UNC13C: variants seen among roughly 807,000 people sequenced by gnomAD.
UNC13C encodes protein unc-13 homolog C.
A neutral mutation model predicts 245.4 loss-of-function variants in UNC13C; 174 were observed. That is an observed-to-expected ratio of 0.71 (90% CI 0.63 to 0.80). UNC13C has a LOEUF of 0.80. Among genes scored for constraint, UNC13C ranks in the 30% least tolerant of loss-of-function variants. UNC13C has a pLI of 0.00. For missense variants in UNC13C, 2,829 were observed against 2,602.9 expected, an observed-to-expected ratio of 1.09 and a Z score of -1.89; for synonymous variants, 992 against 895.1, an observed-to-expected ratio of 1.11 and a Z score of -1.93.
rs115287105 is a variant in UNC13C at position 54,261,880 on chromosome 15, T to A, written c.3449-2288T>A. On this transcript the variant is annotated intron_variant, in intron 8 of 32. Coordinates refer to ENST00000260323, the MANE Select transcript of UNC13C (RefSeq NM_001080534.3). ...TTTTAAAAGCTACATATTTTTTTTCTAGAAATAACAGAGAAAATGCTTAAA... is the reference window on the plus strand; with the variant it reads ...TTTTAAAAGCTACATATTTTTTTTCAAGAAATAACAGAGAAAATGCTTAAA... Among the ~76,000 whole-genome samples the A allele has an allele frequency of 8.9e-3, 1,351 of 152,280 alleles. 21 individuals carry two copies. Among genetic ancestry groups the A allele is most frequent in the African/African-American group, 0.031 (1,286 of 41,550 alleles).
chr15:54,172,703 GATAT>G (rs56316345), intron 4 of UNC13C, among the ~76,000 whole-genome samples: 108 of 78,300 alleles, frequency 1.4e-3, no homozygotes, highest in African/African-American at 2.0e-3. Context: ...TACACACACA[GATAT>G]ATATATATAT....
At chr15:54,373,348 C>G (rs1181156184) in intron 17 of UNC13C, among the ~76,000 whole-genome samples, 2 of 152,226 alleles carry the variant, frequency 1.3e-5, no homozygotes, top group Non-Finnish European at 2.9e-5. Flanking sequence ...GTTTCACCCA[C>G]TCACACTGGC....
At chr15:54,332,423 C>G (rs2038463614) in intron 15 of UNC13C, among the ~76,000 whole-genome samples, 1 of 151,686 alleles carries the variant, frequency 6.6e-6, no homozygotes, top group South Asian at 2.1e-4. Flanking sequence ...ATGAAGTAGA[C>G]TATGGCCCAG....
At chr15:54,341,827 T>A (rs1436454479) in intron 17 of UNC13C, among the ~76,000 whole-genome samples, 4 of 152,024 alleles carry the variant, frequency 2.6e-5, no homozygotes, top group African/African-American at 9.6e-5. Context: ...ATACAAAAAA[T>A]TAACCAGGAG....
chr15:54,568,474 T>C (rs184662547), intron 30 of UNC13C, among the ~76,000 whole-genome samples: 1 of 152,304 alleles, frequency 6.6e-6, no homozygotes, highest in East Asian at 1.9e-4. Flanking sequence ...ATGTGTTTCA[T>C]ATCTTTGAAA....
At chr15:54,131,954 A>C (rs1014499994) in intron 2 of UNC13C, among the ~76,000 whole-genome samples, 2 of 151,916 alleles carry the variant, frequency 1.3e-5, no homozygotes, top group African/African-American at 2.4e-5. Context: ...TCCCAAACCC[A>C]ATGTTCTCCA....
chr15:53,946,993 T>C, the UNC13C span, among the ~76,000 whole-genome samples: 2 of 152,176 alleles, frequency 1.3e-5, no homozygotes, highest in Non-Finnish European at 2.9e-5. Context: ...CGGGTTCTAA[T>C]AAAAGTTCTA....
chr15:54,149,141 G>A lies in UNC13C; in HGVS notation c.3071+5457G>A, dbSNP rs369924551. Among the ~76,000 whole-genome samples, 16 of 152,182 alleles carry A rather than the reference G, an allele frequency of 1.1e-4. 1 individual carries two copies. Among genetic ancestry groups the A allele is most frequent in the Admixed American group, 7.9e-4 (12 of 15,282 alleles). On this transcript the variant is annotated intron_variant, in intron 4 of 32. Coordinates refer to ENST00000260323, the MANE Select transcript of UNC13C (RefSeq NM_001080534.3). Reference sequence around the variant, plus strand: ...TGTCTCCTGCTGCCATGTAAGAGACGCCTTTCTTCCCCTTTGGCTTCTACC... The same window carrying A: ...TGTCTCCTGCTGCCATGTAAGAGACACCTTTCTTCCCCTTTGGCTTCTACC...
chr15:54,066,898 G>A (rs1898101231), intron 2 of UNC13C, among the ~76,000 whole-genome samples: 3 of 152,056 alleles, frequency 2.0e-5, no homozygotes. Flanking sequence ...AGATTCCAGG[G>A]ATCAGTGCTG....
chr15:54,472,068 C>T (rs1419608954), intron 19 of UNC13C, among the ~76,000 whole-genome samples: 1 of 151,670 alleles, frequency 6.6e-6, no homozygotes. Flanking sequence ...TCACTGGTTT[C>T]ATGGCTTTCT....
In UNC13C at chr15:54,015,958, C is replaced by A; in HGVS notation, c.2983+72C>A. 3.1e-6 allele frequency: 4 copies of A among 1,289,708 alleles called. No individual in the cohort carries two copies. The South Asian group carries it at 6.4e-5, about 21-fold the overall frequency. 79.9% of individuals were successfully genotyped at this position (1,289,708 alleles called of 1,614,324 possible). A position where few individuals can be genotyped will look rare whatever the true frequency, so the allele number is the denominator to read the frequency against. On this transcript the variant is annotated intron_variant, in intron 2 of 32. Coordinates refer to ENST00000260323, the MANE Select transcript of UNC13C (RefSeq NM_001080534.3). ...TTGGGTAGCACTTCTTTAGAGCATGCTCTGTGTTTACTTGGGTGAAAGAGT... is the reference window on the plus strand; with the variant it reads ...TTGGGTAGCACTTCTTTAGAGCATGATCTGTGTTTACTTGGGTGAAAGAGT...
chr15:53,891,999 C>T, the UNC13C span, among the ~76,000 whole-genome samples: 7 of 152,178 alleles, frequency 4.6e-5, no homozygotes, highest in Non-Finnish European at 1.0e-4. Flanking sequence ...TGGCTGGTAC[C>T]GGTTGTTCCT....
the UNC13C span, among the ~76,000 whole-genome samples, chr15:53,874,563 T>C: frequency 6.1e-3 from 926 of 152,276 alleles, 4 homozygotes; most frequent in African/African-American, 0.021. Context: ...GAGAGATCCT[T>C]TACCCAGAGA....
At chr15:54,044,863 A>C (rs894883229) in intron 2 of UNC13C, among the ~76,000 whole-genome samples, 6 of 152,046 alleles carry the variant, frequency 3.9e-5, no homozygotes, top group Admixed American at 3.3e-4. Context: ...GGCCATTTGT[A>C]TATCTTCTTT....
chr15:54,128,215 G>A (rs1012246742), intron 2 of UNC13C, among the ~76,000 whole-genome samples: 12 of 151,734 alleles, frequency 7.9e-5, no homozygotes, highest in Non-Finnish European at 1.5e-4. Flanking sequence ...TGAAGGAGGT[G>A]AAAGATTTCT....
At chr15:54,487,787 AAAGACAG>A (rs1360516129) in intron 19 of UNC13C, among the ~76,000 whole-genome samples, 2 of 78,710 alleles carry the variant, frequency 2.5e-5, no homozygotes, top group South Asian at 3.9e-4. Context: ...AAAAAAAAAA[AAAGACAG>A]AGAGAGAGAA....
Position 54,048,722 on chromosome 15 carries a change from G to T in UNC13C, c.2983+32836G>T, listed in dbSNP as rs368197410. The T allele has an allele frequency of 6.4e-5, 18 of 281,304 alleles. 1 individual carries two copies. Among genetic ancestry groups the T allele is most frequent in the Admixed American group, 5.0e-4 (11 of 22,120 alleles). The allele number at this position is 281,304 out of a possible 1,614,324, so 17.4% of individuals were successfully genotyped here. ...TTACATCATCTTCCCATTTTGAACT[G>T]CCTCCATATTCAGGGAGAATAACAG... On this transcript the variant is annotated intron_variant, in intron 2 of 32. Transcript: ENST00000260323.
At chr15:54,617,658 G>A (rs1341001722) in intron 30 of UNC13C, among the ~76,000 whole-genome samples, 1 of 152,066 alleles carries the variant, frequency 6.6e-6, no homozygotes, top group South Asian at 2.1e-4. Context: ...AAATAACATG[G>A]AAATAATGAG....
At chr15:53,870,755 A>G in the UNC13C span, among the ~76,000 whole-genome samples, 1 of 152,124 alleles carries the variant, frequency 6.6e-6, no homozygotes, top group Non-Finnish European at 1.5e-5. Flanking sequence ...TATTTTACCA[A>G]TAAGTAAGCC....
Sources: gnomAD v4.1 joint callset for allele counts (sites outside exome capture counted in the v4.1 genomes callset) on GRCh38, gnomAD v4.1.1 for gene constraint, MANE v1.5 for transcripts, NCBI Gene and HGNC (gene_info 2026-07-23, HGNC 2026-07-21) for gene names.